Variants in TAB2 observed in about 807,000 individuals in gnomAD.
The protein encoded by TAB2 is TGF-beta activated kinase 1 (MAP3K7) binding protein 2, also known as TGF-beta-activated kinase 1 and MAP3K7-binding protein 2.
A neutral mutation model predicts 65.0 loss-of-function variants in TAB2; 3 were observed. That is an observed-to-expected ratio of 0.05 (90% CI 0.02 to 0.12). The LOEUF (loss-of-function observed/expected upper bound fraction) is 0.12, where lower values mean the gene tolerates loss of function less well. TAB2 is among the 10% of genes least tolerant of loss of function. The pLI is 1.00. For missense variants in TAB2, 623 were observed against 840.3 expected, an observed-to-expected ratio of 0.74 and a Z score of 3.20; for synonymous variants, 298 against 285.1, an observed-to-expected ratio of 1.05 and a Z score of -0.46.
At chr6:149,271,949 T>G (rs909197582) in intron 1 of TAB2, among the ~76,000 whole-genome samples, 4 of 151,912 alleles carry the variant, frequency 2.6e-5, no homozygotes, top group African/African-American at 4.8e-5. Flanking sequence ...GCATCAACAG[T>G]GTCAGACGCC....
intron 1 of TAB2, among the ~76,000 whole-genome samples, chr6:149,249,492 CTCTT>C (rs960563286): frequency 1.3e-5 from 2 of 151,780 alleles, no homozygotes; most frequent in Admixed American, 6.6e-5. Context: ...CTCTCTCTGT[CTCTT>C]TCTCTCTATC....
intron 1 of TAB2, among the ~76,000 whole-genome samples, chr6:149,358,062 G>A (rs1484292500): frequency 6.6e-6 from 1 of 152,152 alleles, no homozygotes; most frequent in Non-Finnish European, 1.5e-5. Flanking sequence ...AAGTGAAATT[G>A]CTGAGTCATA....
intron 1 of TAB2, among the ~76,000 whole-genome samples, chr6:149,357,698 C>CT (rs983813209): frequency 2.7e-5 from 4 of 149,850 alleles, no homozygotes; most frequent in African/African-American, 4.9e-5. Context: ...TCTTATGTAT[C>CT]TTTTTTTTTC....
At chr6:149,289,458 C>A (rs751982656) in intron 1 of TAB2, among the ~76,000 whole-genome samples, 6 of 152,066 alleles carry the variant, frequency 3.9e-5, no homozygotes, top group Non-Finnish European at 8.8e-5. Context: ...CTGGGGAGAC[C>A]TTTAAAGCCA....
chr6:149,400,578 G>C (rs1384779465), intron 6 of TAB2: 1 of 1,614,202 alleles, frequency 6.2e-7, no homozygotes, highest in Admixed American at 1.7e-5. Context: ...ATTCCGATTT[G>C]GTGGGCAACC....
chr6:149,355,824 A>T (rs919969700), intron 1 of TAB2, among the ~76,000 whole-genome samples: 1 of 152,194 alleles, frequency 6.6e-6, no homozygotes, highest in African/African-American at 2.4e-5. Context: ...GATAAATAGG[A>T]TCATGCCCAA....
intron 1 of TAB2, among the ~76,000 whole-genome samples, chr6:149,355,316 TG>T: frequency 6.6e-6 from 1 of 152,214 alleles, no homozygotes; most frequent in Admixed American, 6.5e-5. Flanking sequence ...TTTGAAAAGC[TG>T]CTTTCCAAAA....
intron 1 of TAB2, among the ~76,000 whole-genome samples, chr6:149,329,924 A>G (rs571143289): frequency 6.6e-6 from 1 of 152,176 alleles, no homozygotes; most frequent in South Asian, 2.1e-4. Context: ...GACCTTCACA[A>G]TTAGGTTATA....
chr6:149,315,780 T>C (rs534279299), upstream of TAB2, among the ~76,000 whole-genome samples: 5 of 152,356 alleles, frequency 3.3e-5, no homozygotes, highest in African/African-American at 1.2e-4. Flanking sequence ...TGCTTCCTCA[T>C]GACTACATAG....
At chr6:149,383,675 C>T (rs1189150222) in intron 3 of TAB2, among the ~76,000 whole-genome samples, 1 of 152,192 alleles carries the variant, frequency 6.6e-6, no homozygotes, top group Non-Finnish European at 1.5e-5. Flanking sequence ...CTTCACCTCC[C>T]GGATTCAAGC....
At chr6:149,296,167 C>A (rs1419322925) in intron 1 of TAB2, among the ~76,000 whole-genome samples, 2 of 152,226 alleles carry the variant, frequency 1.3e-5, no homozygotes, top group African/African-American at 4.8e-5. Context: ...AAGAAAGGAT[C>A]TGTGCTTGCT....
chr6:149,405,284 AAG>A (rs1163304957), intron 6 of TAB2, among the ~76,000 whole-genome samples: 1 of 152,228 alleles, frequency 6.6e-6, no homozygotes, highest in Non-Finnish European at 1.5e-5. Context: ...GATGAGGACA[AAG>A]AGAAAAGAGA....
chr6:149,330,470 TTTC>T (rs1272909839), intron 1 of TAB2, among the ~76,000 whole-genome samples: 1 of 152,202 alleles, frequency 6.6e-6, no homozygotes, highest in Non-Finnish European at 1.5e-5. Flanking sequence ...ATTGTCAGTA[TTTC>T]TTATTTCACC....
intron 1 of TAB2, among the ~76,000 whole-genome samples, chr6:149,310,896 G>A (rs956313169): frequency 6.6e-6 from 1 of 152,064 alleles, no homozygotes; most frequent in African/African-American, 2.4e-5. Context: ...TTTGTCTAAA[G>A]TGATAAAAAG....
chr6:149,333,704 C>T (rs1779848428), intron 1 of TAB2, among the ~76,000 whole-genome samples: 1 of 128,594 alleles, frequency 7.8e-6, no homozygotes, highest in Admixed American at 7.8e-5. Context: ...ATTTCCAGAT[C>T]CATAGTGTGT....
chr6:149,248,467 G>GGAAA (rs1393044909), intron 1 of TAB2, among the ~76,000 whole-genome samples: 16 of 147,540 alleles, frequency 1.1e-4, no homozygotes, highest in African/African-American at 3.5e-4. Context: ...AAGGAAGGAA[G>GGAAA]GAAAGAAAGA....
intron 1 of TAB2, among the ~76,000 whole-genome samples, chr6:149,287,189 GAAA>G (rs540619750): frequency 6.6e-6 from 1 of 152,172 alleles, no homozygotes; most frequent in Non-Finnish European, 1.5e-5. Flanking sequence ...AGTGTATACT[GAAA>G]AAAGACTGAA....
At chr6:149,330,738 A>G (rs1316575204) in intron 1 of TAB2, among the ~76,000 whole-genome samples, 1 of 152,174 alleles carries the variant, frequency 6.6e-6, no homozygotes, top group Non-Finnish European at 1.5e-5. Context: ...ATGTCTTTAT[A>G]GTCTCTTAAC....
At chr6:149,276,744 G>A (rs932870863) in intron 1 of TAB2, among the ~76,000 whole-genome samples, 2 of 152,242 alleles carry the variant, frequency 1.3e-5, no homozygotes, top group South Asian at 2.1e-4. Context: ...CCCAATGGAG[G>A]CGATCTGGCA....
Sources: allele counts gnomAD v4.1 joint callset (sites outside exome capture counted in the v4.1 genomes callset), GRCh38; gene constraint gnomAD v4.1.1; transcripts MANE v1.5; gene names NCBI Gene and HGNC (gene_info 2026-07-23, HGNC 2026-07-21).